Variants in GFRA3 observed in about 807,000 individuals in gnomAD.
The protein encoded by GFRA3 is GDNF family receptor alpha-3.
Under a neutral mutation model 40.0 loss-of-function variants are expected in GFRA3, and 24 were observed. The ratio of observed to expected loss-of-function variants is 0.60; its 90% CI spans 0.43 to 0.84. The LOEUF (loss-of-function observed/expected upper bound fraction) is 0.84, where lower values mean the gene tolerates loss of function less well. Among genes scored for constraint, GFRA3 ranks in the 40% least tolerant of loss-of-function variants. The pLI, the probability that GFRA3 is intolerant of heterozygous loss-of-function variation, is 0.00. For synonymous variants in GFRA3, 203 were observed against 213.5 expected (o/e 0.95, Z 0.43); for missense variants, 405 against 530.6 (o/e 0.76, Z 2.33).
intron 6 of GFRA3, 48 bp downstream of exon 6, chr5:138,253,718 T>A: frequency 6.3e-7 from 1 of 1,586,878 alleles, no homozygotes; most frequent in Non-Finnish European, 8.6e-7. Flanking sequence ...TTCCCTTGAG[T>A]CCAGCTGACT....
chr5:138,257,977 T>C (rs562195334), intron 3 of GFRA3, 26 bp from the exon 4 acceptor site: 1 of 1,601,800 alleles, frequency 6.2e-7, no homozygotes, highest in South Asian at 1.1e-5. Context: ...ACGGAGTCAG[T>C]CGGCTGGGCC....
intron 4 of GFRA3, among the ~76,000 whole-genome samples, chr5:138,257,081 T>C (rs1755642325): frequency 6.6e-6 from 1 of 152,170 alleles, no homozygotes; most frequent in Non-Finnish European, 1.5e-5. Context: ...CAGAATCCCA[T>C]GAGGTCTGCA....
rs960639485 is a variant in GFRA3 at position 138,253,663 on chromosome 5, G to GGA, written c.1024+101_1024+102dup. The stretch of plus-strand genomic sequence containing the variant: ...TATGCTAGGAACTGCTCTGTTTGGT[G>GGA]GAGATGGATGGAACCAGCCTGGGCC... On this transcript the variant is annotated intron_variant, in intron 6 of 7. Transcript: ENST00000274721. 2.8e-4 allele frequency: 291 copies of GGA among 1,053,566 alleles called. No individual in the cohort carries two copies. The African/African-American group carries it at 4.3e-3, about 16-fold the overall frequency. 65.3% of individuals were successfully genotyped at this position (1,053,566 alleles called of 1,614,324 possible).
rs1177167940 is a variant in GFRA3, at chr5:138,257,743, G to A, written c.681C>T (p.Cys227=). ...CGATGGTGTTGCGCCGGCGCTCCCC[G>A]CAGCCCCGGTCGTTGGGGGCACATG... is the stretch of plus-strand genomic sequence containing the variant. The part of the protein sequence containing the change: ...LCPCAPNDRG[C]GERRRNTIAP... Residue 227 remains cysteine (C), a synonymous_variant, in exon 4 of 8, where the codon TGC becomes TGT. Coordinates refer to ENST00000274721, the MANE Select transcript of GFRA3 (RefSeq NM_001496.4). 1.9e-6 allele frequency: 3 copies of A among 1,609,828 alleles called. No homozygotes were observed. Among genetic ancestry groups the A allele is most frequent in the Middle Eastern group, 1.7e-4 (1 of 6,036 alleles).
intron 7 of GFRA3, 77 bp downstream of exon 7, chr5:138,253,210 T>C: frequency 1.0e-6 from 1 of 996,872 alleles, no homozygotes; most frequent in Non-Finnish European, 1.6e-6. Context: ...CTCGCCTCTA[T>C]CCCTTTGTCT....
At chr5:138,253,933 G>T (rs1276879150) in intron 5 of GFRA3, 33 bp from the exon 6 acceptor site, 1 of 1,608,310 alleles carries the variant, frequency 6.2e-7, no homozygotes, top group Admixed American at 1.7e-5. Context: ...CAAGGCCTAG[G>T]CTAACCCTAA....
At position 138,259,545 on chromosome 5, in the gene GFRA3, T is replaced by A; in HGVS notation, c.472+12A>T. The A allele has an allele frequency of 7.8e-7, 1 of 1,281,626 alleles. No homozygotes were observed. Among genetic ancestry groups the A allele is most frequent in the Non-Finnish European group, 1.1e-6 (1 of 875,890 alleles). The allele number at this position is 1,281,626 out of a possible 1,614,324, so 79.4% of individuals were successfully genotyped here. On this transcript the variant is annotated intron_variant, in intron 3 of 7. Coordinates refer to ENST00000274721, the MANE Select transcript of GFRA3 (RefSeq NM_001496.4). The stretch of plus-strand genomic sequence containing the variant: ...CCAGCCTCTGGTTCCCGAGCCTAGT[T>A]GCCCTCCACACCTGGTTTGAGCATG...
At chr5:138,266,396 GC>G (rs1215399943) in intron 1 of GFRA3, among the ~76,000 whole-genome samples, 1 of 152,082 alleles carries the variant, frequency 6.6e-6, no homozygotes, top group African/African-American at 2.4e-5. Context: ...TCTCATTGAG[GC>G]TTTCATTTGC....
intron 3 of GFRA3, 120 bp downstream of exon 3, chr5:138,259,437 T>C: frequency 1.5e-6 from 1 of 687,728 alleles, no homozygotes; most frequent in Admixed American, 2.0e-5. Context: ...TCTTCCTTAG[T>C]CACCTGGTAG....
intron 4 of GFRA3, 70 bp downstream of exon 4, chr5:138,257,569 A>T (rs1024167817): frequency 7.3e-6 from 10 of 1,379,220 alleles, no homozygotes; most frequent in Non-Finnish European, 1.0e-5. Context: ...CCTGCTCAGC[A>T]CAGGAACGTG....
chr5:138,252,573 A>G lies in GFRA3; in HGVS notation c.*395T>C, dbSNP rs1197264573. 1.2e-5 allele frequency: 2 copies of G among 160,298 alleles called. No individual in the cohort carries two copies. The highest frequency in any genetic ancestry group is 4.8e-5 in the African/African-American group (2 of 41,550). The allele number at this position is 160,298 out of a possible 1,614,324, so 9.9% of individuals were successfully genotyped here. ...CGAGGGGGCAGGAGCCTTCTTCACA[A>G]AGGAGAATGACTTTCTAGGCTGCCT... On this transcript the variant is annotated 3_prime_UTR_variant, in exon 8 of 8. Coordinates refer to ENST00000274721, the MANE Select transcript of GFRA3 (RefSeq NM_001496.4).
rs1474337398 is a variant in GFRA3 at position 138,253,894 on chromosome 5, G to A, written c.896C>T (p.Ala299Val). The A allele has an allele frequency of 1.2e-6, 2 of 1,613,578 alleles. No individual in the cohort carries two copies. The highest frequency in any genetic ancestry group is 1.1e-5 in the South Asian group (1 of 91,074). ...LRAYLGLIGT[A>V]MTPNFVSNVN... ...ATTGCTGACAAAGTTGGGGGTCATG[G>A]CAGTCCCTGTGAAGAGGGAAAGGGT... Residue 299 changes from alanine to valine, a missense_variant, in exon 6 of 8, where the codon GCC becomes GTC. Transcript: ENST00000274721.
At chr5:138,273,607 C>T (rs1755906751) in intron 1 of GFRA3, among the ~76,000 whole-genome samples, 1 of 152,156 alleles carries the variant, frequency 6.6e-6, no homozygotes, top group East Asian at 1.9e-4. Context: ...GGTGGTCTCT[C>T]TGTCTCAGGA....
In GFRA3 at chr5:138,274,390, G is replaced by A. The variant is rs1755919924; in HGVS notation, c.35C>T (p.Pro12Leu). 2 of 1,319,892 alleles carry A rather than the reference G, an allele frequency of 1.5e-6. No homozygotes were observed. Among genetic ancestry groups the A allele is most frequent in the East Asian group, 3.0e-5 (1 of 32,906 alleles). The allele number at this position is 1,319,892 out of a possible 1,614,324, so 81.8% of individuals were successfully genotyped here. A position where few individuals can be genotyped will look rare whatever the true frequency, so the allele number is the denominator to read the frequency against. ...CAGCAGCAGCAACATCAGGACTACG[G>A]GCGGCAGCGGTCGCGGGTTCAGGGG... ...VRPLNPRPLPPVVLMLLLLLP... is the reference protein window; with the variant it reads ...VRPLNPRPLPLVVLMLLLLLP... The change falls in exon 1 of 8, where the codon CCC (proline) becomes CTC (leucine). Residue 12 changes from proline to leucine, a missense_variant. Physicochemically the swap from Pro to Leu is moderately conservative, Grantham distance 98. Transcript: ENST00000274721.
chr5:138,266,988 C>A (rs1261882122), intron 1 of GFRA3: 1 of 153,004 alleles, frequency 6.5e-6, no homozygotes, highest in Non-Finnish European at 1.5e-5. Flanking sequence ...AGCCTGTCTT[C>A]ATTTCTTTTA....
Position 138,274,323 on chromosome 5 carries a change from C to G in GFRA3, c.91+11G>C. On this transcript the variant is annotated intron_variant, in intron 1 of 7. Transcript: ENST00000274721. ...ACTGTACCCCCGGCCGGTGCGCGCT[C>G]TGACACTCACCGGCTGCGAGAGGCA... The G allele has an allele frequency of 7.5e-7, 1 of 1,330,710 alleles. No individual in the cohort carries two copies. Among genetic ancestry groups the G allele is most frequent in the Non-Finnish European group, 9.7e-7 (1 of 1,035,272 alleles). 82.4% of individuals were successfully genotyped at this position (1,330,710 alleles called of 1,614,324 possible).
intron 1 of GFRA3, among the ~76,000 whole-genome samples, chr5:138,271,910 T>TGTGTGTG (rs57157892): frequency 8.5e-6 from 1 of 118,130 alleles, no homozygotes; most frequent in Non-Finnish European, 1.9e-5. Context: ...TTTTTTTTTT[T>TGTGTGTG]TTTTGTGTGT....
Position 138,253,373 on chromosome 5 carries a change from C to T in GFRA3, c.1027G>A (p.Glu343Lys), listed in dbSNP as rs866582599. 1 of 1,582,640 alleles carries T rather than the reference C, an allele frequency of 6.3e-7. No individual in the cohort carries two copies. Among genetic ancestry groups the T allele is most frequent in the Non-Finnish European group, 8.6e-7 (1 of 1,158,516 alleles). Residue 343 changes from glutamate (E) to lysine (K), a missense_variant and splice_region_variant, in exon 7 of 8, where the codon GAG becomes AAG. Coordinates refer to ENST00000274721, the MANE Select transcript of GFRA3 (RefSeq NM_001496.4). ...AAACGCATCTTAGCTGCAATGGCCT[C>T]CGCTGAAGAGAGGAGAGAAGGCTCA... ...GFFSHNPCLT[E>K]AIAAKMRFHS...
intron 2 of GFRA3, among the ~76,000 whole-genome samples, chr5:138,261,231 A>G (rs1755705300): frequency 6.6e-6 from 1 of 152,170 alleles, no homozygotes; most frequent in Admixed American, 6.6e-5. Flanking sequence ...TATATGCTGA[A>G]TGAGTTTGTA....
Sources: allele counts gnomAD v4.1 joint callset (sites outside exome capture counted in the v4.1 genomes callset), GRCh38; gene constraint gnomAD v4.1.1; transcripts MANE v1.5; gene names NCBI Gene and HGNC (gene_info 2026-07-23, HGNC 2026-07-21).